The following ANK2 variants were observed in gnomAD, a reference collection of about 807,000 sequenced individuals.
The protein encoded by ANK2 is ankyrin 2.
ANK2 carries 83 observed loss-of-function variants against 360.5 expected under a neutral mutation model. The observed-to-expected ratio is 0.23, with a 90% CI of 0.19 to 0.28. ANK2 has a LOEUF of 0.28. Ranked by LOEUF, ANK2 falls within the 10% of genes least tolerant of loss-of-function variation. The pLI is 1.00. For missense variants in ANK2, 4,201 were observed against 4,795.7 expected (o/e 0.88, Z 3.66); for synonymous variants, 1,740 against 1,759.5 (o/e 0.99, Z 0.28).
the ANK2 span, among the ~76,000 whole-genome samples, chr4:112,720,044 C>T: frequency 6.6e-6 from 1 of 152,170 alleles, no homozygotes; most frequent in Non-Finnish European, 1.5e-5. Flanking sequence ...ATGACTTATT[C>T]ATGGTTTTCC....
intron 1 of ANK2, among the ~76,000 whole-genome samples, chr4:112,864,760 C>T (rs1297081195): frequency 6.6e-6 from 1 of 151,016 alleles, no homozygotes; most frequent in East Asian, 2.0e-4. Flanking sequence ...CAGCCGGGCG[C>T]GGTGGCTCAA....
chr4:112,934,843 A>G (rs893027400), intron 2 of ANK2, among the ~76,000 whole-genome samples: 11 of 152,228 alleles, frequency 7.2e-5, no homozygotes, highest in Non-Finnish European at 2.9e-5. Context: ...AGAAAAATAC[A>G]TGAGAGTGCT....
chr4:112,820,318 A>G (rs946563913), intron 1 of ANK2, among the ~76,000 whole-genome samples: 16 of 152,192 alleles, frequency 1.1e-4, no homozygotes, highest in Non-Finnish European at 2.1e-4. Context: ...ACCAGACCCT[A>G]TTAGGACTGA....
chr4:112,906,686 G>C (rs2085338279), intron 2 of ANK2, among the ~76,000 whole-genome samples: 4 of 152,116 alleles, frequency 2.6e-5, no homozygotes, highest in African/African-American at 9.7e-5. Flanking sequence ...AATTGAAGGG[G>C]ATGTCAAGAA....
chr4:112,772,418 T>C, the ANK2 span, among the ~76,000 whole-genome samples: 1 of 152,174 alleles, frequency 6.6e-6, no homozygotes, highest in Non-Finnish European at 1.5e-5. Context: ...CTATGGGAAC[T>C]ACAACTCAAG....
At chr4:113,164,318 G>T (rs932051099) in intron 1 of ANK2, among the ~76,000 whole-genome samples, 6 of 152,142 alleles carry the variant, frequency 3.9e-5, no homozygotes, top group African/African-American at 1.4e-4. Flanking sequence ...TCTTCATGGG[G>T]CCACACTAAG....
chr4:113,021,465 C>G (rs1366543756), intron 2 of ANK2, among the ~76,000 whole-genome samples: 2 of 146,736 alleles, frequency 1.4e-5, no homozygotes, highest in Non-Finnish European at 3.0e-5. Context: ...TAAGAATTTT[C>G]CATATATATA....
At chr4:112,885,640 C>CA (rs1400254544) in intron 1 of ANK2, among the ~76,000 whole-genome samples, 1 of 149,430 alleles carries the variant, frequency 6.7e-6, no homozygotes, top group Non-Finnish European at 1.5e-5. Flanking sequence ...GCTAAAAATA[C>CA]AAAAAAATTA....
intron 1 of ANK2, among the ~76,000 whole-genome samples, chr4:113,138,881 A>C (rs2096540668): frequency 6.6e-6 from 1 of 152,236 alleles, no homozygotes; most frequent in Non-Finnish European, 1.5e-5. Flanking sequence ...TGAACTTTCA[A>C]AGGAAAACAC....
At chr4:112,855,869 T>C (rs1395044870) in intron 1 of ANK2, among the ~76,000 whole-genome samples, 1 of 152,192 alleles carries the variant, frequency 6.6e-6, no homozygotes, top group Non-Finnish European at 1.5e-5. Context: ...TTGGTCTTTA[T>C]GTTCCTGCTG....
chr4:113,039,882 C>G (rs1036726572), intron 2 of ANK2, among the ~76,000 whole-genome samples: 1 of 151,848 alleles, frequency 6.6e-6, no homozygotes, highest in Non-Finnish European at 1.5e-5. Flanking sequence ...TTATAATGGA[C>G]GTAAATATGG....
intron 2 of ANK2, among the ~76,000 whole-genome samples, chr4:112,910,079 A>G (rs939305476): frequency 1.9e-4 from 29 of 152,280 alleles, no homozygotes; most frequent in African/African-American, 7.0e-4. Flanking sequence ...CTACAAACTT[A>G]TATGAATCAC....
At chr4:113,069,690 A>G (rs1339245431) in intron 1 of ANK2, among the ~76,000 whole-genome samples, 1 of 152,150 alleles carries the variant, frequency 6.6e-6, no homozygotes, top group Non-Finnish European at 1.5e-5. Context: ...TTTCTCTTTA[A>G]CCTCAGGGGC....
At chr4:113,134,499 C>T (rs931093280) in intron 1 of ANK2, among the ~76,000 whole-genome samples, 1 of 151,746 alleles carries the variant, frequency 6.6e-6, no homozygotes, top group South Asian at 2.1e-4. Context: ...AAATTGATCC[C>T]CCCTTATCTT....
the ANK2 span, among the ~76,000 whole-genome samples, chr4:112,753,758 C>T: frequency 2.0e-5 from 3 of 152,026 alleles, no homozygotes; most frequent in African/African-American, 4.8e-5. Flanking sequence ...CCTATGTTGT[C>T]TAAAAGGGGA....
At chr4:112,906,169 C>T (rs2085123961) in intron 2 of ANK2, among the ~76,000 whole-genome samples, 1 of 152,044 alleles carries the variant, frequency 6.6e-6, no homozygotes, top group Non-Finnish European at 1.5e-5. Context: ...CACTTCTTGA[C>T]AAAGAAGGGA....
At chr4:113,175,936 C>T (rs568493245) in intron 2 of ANK2, among the ~76,000 whole-genome samples, 63 of 152,258 alleles carry the variant, frequency 4.1e-4, no homozygotes, top group Non-Finnish European at 7.6e-4. Flanking sequence ...CCTGAGCAGT[C>T]CTGCAGATAC....
intron 2 of ANK2, among the ~76,000 whole-genome samples, chr4:112,944,534 CTTA>C (rs2154249050): frequency 1.3e-5 from 2 of 152,266 alleles, no homozygotes; most frequent in South Asian, 4.1e-4. Context: ...AGTTTAGGAG[CTTA>C]TTAACCCTAA....
intron 3 of ANK2, among the ~76,000 whole-genome samples, chr4:113,197,312 A>G (rs1458677391): frequency 6.6e-6 from 1 of 152,264 alleles, no homozygotes; most frequent in African/African-American, 2.4e-5. Flanking sequence ...TTGGCAAACC[A>G]GAAACTGTTC....
Sources: gnomAD v4.1 joint callset for allele counts (sites outside exome capture counted in the v4.1 genomes callset) on GRCh38, gnomAD v4.1.1 for gene constraint, MANE v1.5 for transcripts, NCBI Gene and HGNC (gene_info 2026-07-23, HGNC 2026-07-21) for gene names.